AGO1: variants seen among roughly 807,000 people sequenced by gnomAD.
The protein encoded by AGO1 is argonaute RISC component 1, also known as protein argonaute-1.
A neutral mutation model predicts 109.2 loss-of-function variants in AGO1; 11 were observed. The observed-to-expected ratio is 0.10, with a 90% confidence interval of 0.06 to 0.17. AGO1 has a LOEUF of 0.17. Ranked by LOEUF, AGO1 falls within the 10% of genes least tolerant of loss-of-function variation. The pLI is 1.00. For missense variants in AGO1, 574 were observed against 1,140.3 expected (o/e 0.50, Z 7.15); for synonymous variants, 422 against 418.6 (o/e 1.01, Z -0.10).
intron 1 of AGO1, among the ~76,000 whole-genome samples, chr1:35,885,837 C>A (rs1645111472): frequency 6.6e-6 from 1 of 152,136 alleles, no homozygotes; most frequent in Non-Finnish European, 1.5e-5. Context: ...TAAATCAAAT[C>A]ACATTCAAGT....
intron 11 of AGO1, among the ~76,000 whole-genome samples, chr1:35,903,191 A>G (rs1645452082): frequency 6.6e-6 from 1 of 151,594 alleles, no homozygotes; most frequent in Non-Finnish European, 1.5e-5. Context: ...TATTTTTAGT[A>G]GAGATGGGGT....
upstream of AGO1, among the ~76,000 whole-genome samples, chr1:35,882,342 A>G (rs1304279480): frequency 2.0e-5 from 3 of 152,192 alleles, no homozygotes; most frequent in Non-Finnish European, 2.9e-5. The surrounding 1 kb of genome is among the most constrained non-coding windows in gnomAD (Gnocchi z 5.1). Flanking sequence ...TTGGAACCAC[A>G]GTGAACAGTT....
chr1:35,894,065 G>T lies in AGO1; in HGVS notation c.678G>T (p.Gln226His). ...DVSATAFYKA[Q>H]PVIEFMCEVL... is the part of the protein sequence containing the mutation. ...CAGCCACTGCCTTTTATAAGGCACA[G>T]CCAGTGATTGAGTTCATGTGTGAGG... The change falls in exon 6 of 19, where the codon CAG becomes CAT. Residue 226 changes from glutamine (Q) to histidine (H), a missense_variant. Physicochemically the swap from Gln to His is conservative, Grantham distance 24. Coordinates refer to ENST00000373204, the MANE Select transcript of AGO1 (RefSeq NM_012199.5). The T allele has an allele frequency of 6.4e-7, 1 of 1,570,156 alleles. No homozygotes were observed. Among genetic ancestry groups the T allele is most frequent in the South Asian group, 1.2e-5 (1 of 83,180 alleles).
rs1353927503 is a variant in AGO1, at chr1:35,914,264, C to G, written c.1823C>G (p.Ser608Cys). ...CCAGCAGGGGATGGGAAAAAACCTT[C>G]TATCACAGCAGTGAGTGATATTCTG... ...HPPAGDGKKP[S>C]ITAVVGSMDA... The change falls in exon 14 of 19, where the codon TCT becomes TGT. Residue 608 changes from serine to cysteine, a missense_variant. This residue lies in a region of AGO1 where 68 missense variants were observed against 200.2 expected (regional missense o/e 0.34). Transcript: ENST00000373204. 6.2e-7 allele frequency: 1 copy of G among 1,613,760 alleles called. No individual in the cohort carries two copies. The highest frequency in any genetic ancestry group is 8.5e-7 in the Non-Finnish European group (1 of 1,179,742).
intron 1 of AGO1, among the ~76,000 whole-genome samples, chr1:35,887,266 C>T (rs568152539): frequency 6.6e-6 from 1 of 152,302 alleles, no homozygotes; most frequent in East Asian, 1.9e-4. Flanking sequence ...CCCAGCTTGT[C>T]TGACTGTGAA....
At chr1:35,914,125 A>G (rs1031950581) in intron 13 of AGO1, 59 bp from the exon 14 acceptor site, 6 of 1,598,872 alleles carry the variant, frequency 3.8e-6, no homozygotes, top group Non-Finnish European at 4.3e-6. Context: ...TGGGTACTGG[A>G]TGGTGCCAGC....
In AGO1 at chr1:35,929,095, A is replaced by G. The variant is rs1645985847; in HGVS notation, c.*9488A>G. On this transcript the variant is annotated 3_prime_UTR_variant, in exon 19 of 19. Coordinates refer to ENST00000373204, the MANE Select transcript of AGO1 (RefSeq NM_012199.5). ...GTACTGGGGCAATGACAGTTAAGAT[A>G]ATACCCAATGACCCTGCTCTGTACC... is the stretch of plus-strand genomic sequence containing the variant. The G allele has an allele frequency of 6.6e-6, 1 of 152,262 alleles. No individual in the cohort carries two copies. Among genetic ancestry groups the G allele is most frequent in the African/African-American group, 2.4e-5 (1 of 41,460 alleles). 9.4% of individuals were successfully genotyped at this position (152,262 alleles called of 1,614,324 possible). A position where few individuals can be genotyped will look rare whatever the true frequency, so the allele number is the denominator to read the frequency against.
intron 14 of AGO1, 38 bp downstream of exon 14, chr1:35,914,312 T>G: frequency 1.3e-6 from 2 of 1,561,698 alleles, no homozygotes; most frequent in East Asian, 2.3e-5. Context: ...AAGGTTCTCC[T>G]CTTCGCTCTG....
chr1:35,883,109 C>G (rs770745308), upstream of AGO1: 1 of 1,077,210 alleles, frequency 9.3e-7, no homozygotes, highest in African/African-American at 1.7e-5. The surrounding 1 kb of genome is among the most constrained non-coding windows in gnomAD (Gnocchi z 5.4). Context: ...GCCTTGGGTC[C>G]CCGGTGCCCC....
Position 35,893,291 on chromosome 1 carries a change from G to A in AGO1, c.512+13G>A, listed in dbSNP as rs372148672. The stretch of plus-strand genomic sequence containing the variant: ...TGGCATCCATGAGGTATTGGGTGTA[G>A]TTAGTATCTGGGCTACTAGTGTTGG... On this transcript the variant is annotated intron_variant, in intron 4 of 18. Transcript: ENST00000373204. The surrounding 1 kb of genome is among the most constrained non-coding windows in gnomAD (Gnocchi z 5.6). 13 of 1,610,270 alleles carry A rather than the reference G, an allele frequency of 8.1e-6. No individual in the cohort carries two copies. Among genetic ancestry groups the A allele is most frequent in the Non-Finnish European group, 9.3e-6 (11 of 1,177,094 alleles).
chr1:35,919,602 G>T lies in AGO1; in HGVS notation c.2569G>T (p.Ala857Ser), dbSNP rs775410850. ...GGATACTCTGCGCACCATGTACTTC[G>T]CTTGAAGGCAGAACGCTGTTACCTC... Reference protein sequence around the residue: ...HQDTLRTMYFA With the variant: ...HQDTLRTMYFS The change falls in exon 19 of 19, where the codon GCT (alanine) becomes TCT (serine). Residue 857 changes from alanine to serine, a missense_variant. Transcript: ENST00000373204. This position sits in a 1 kb window ranked among gnomAD's most constrained non-coding sequence, Gnocchi z 6.6. 1.9e-6 allele frequency: 3 copies of T among 1,613,172 alleles called. No homozygotes were observed. Among genetic ancestry groups the T allele is most frequent in the South Asian group, 1.1e-5 (1 of 91,038 alleles).
chr1:35,915,203 A>T, intron 14 of AGO1, 145 bp from the exon 15 acceptor site: 1 of 626,010 alleles, frequency 1.6e-6, no homozygotes. Flanking sequence ...TGTGTGATAG[A>T]ATAGAGATTG....
At chr1:35,903,069 G>A (rs989130786) in intron 11 of AGO1, among the ~76,000 whole-genome samples, 1 of 142,916 alleles carries the variant, frequency 7.0e-6, no homozygotes, top group African/African-American at 2.6e-5. Context: ...GCAGTGGCAC[G>A]ATCTTGGCTC....
At position 35,906,989 on chromosome 1, in the gene AGO1, G is replaced by A; in HGVS notation, c.1452G>A (p.Gln484=). The A allele has an allele frequency of 6.2e-7, 1 of 1,614,118 alleles. No homozygotes were observed. Among genetic ancestry groups the A allele is most frequent in the Non-Finnish European group, 8.5e-7 (1 of 1,180,018 alleles). Residue 484 remains glutamine, a synonymous_variant, in exon 12 of 19, where the codon CAG becomes CAA. Coordinates refer to ENST00000373204, the MANE Select transcript of AGO1 (RefSeq NM_012199.5). ...KISKDAGMPI[Q]GQPCFCKYAQ... Reference sequence around the variant, plus strand: ...CCAAGGATGCGGGGATGCCTATCCAGGGTCAACCTTGTTTCTGCAAATATG... The same window carrying A: ...CCAAGGATGCGGGGATGCCTATCCAAGGTCAACCTTGTTTCTGCAAATATG...
At chr1:35,914,906 A>G (rs1645707610) in intron 14 of AGO1, among the ~76,000 whole-genome samples, 1 of 152,156 alleles carries the variant, frequency 6.6e-6, no homozygotes. Context: ...CATTTCTTCC[A>G]TCAACCACAA....
intron 11 of AGO1, among the ~76,000 whole-genome samples, chr1:35,905,638 T>C (rs1173810483): frequency 6.6e-6 from 1 of 152,062 alleles, no homozygotes; most frequent in Non-Finnish European, 1.5e-5. Flanking sequence ...GGCTAGGTTT[T>C]TTTTGTATTT....
chr1:35,915,158 G>A (rs906208711), intron 14 of AGO1, among the ~76,000 whole-genome samples, 190 bp from the exon 15 acceptor site: 16 of 151,974 alleles, frequency 1.1e-4, no homozygotes, highest in Non-Finnish European at 4.4e-5. Flanking sequence ...TCTGAGAAGA[G>A]GAAAAAAGAT....
At chr1:35,887,491 C>T (rs913500511) in intron 1 of AGO1, among the ~76,000 whole-genome samples, 2 of 152,114 alleles carry the variant, frequency 1.3e-5, no homozygotes, top group Non-Finnish European at 2.9e-5. Flanking sequence ...TCCCAAGGGC[C>T]TCCTCTGTCT....
At chr1:35,898,670 A>G (rs903993315) in intron 8 of AGO1, among the ~76,000 whole-genome samples, 13 of 152,202 alleles carry the variant, frequency 8.5e-5, no homozygotes, top group African/African-American at 3.1e-4. Flanking sequence ...ATTTTATTCT[A>G]ATTATAATAT....
Sources: gnomAD v4.1 joint callset for allele counts (sites outside exome capture counted in the v4.1 genomes callset) on GRCh38, gnomAD v4.1.1 for gene constraint, gnomAD v4.1.1 regional missense constraint, Gnocchi (gnomAD v3.1) non-coding constraint, MANE v1.5 for transcripts, NCBI Gene and HGNC (gene_info 2026-07-23, HGNC 2026-07-21) for gene names.